LIPA: variants seen among roughly 807,000 people sequenced by gnomAD.
LIPA encodes the protein lysosomal acid lipase/cholesteryl ester hydrolase.
A neutral mutation model predicts 40.6 loss-of-function variants in LIPA; 26 were observed. The ratio of observed to expected loss-of-function variants is 0.64; its 90% CI spans 0.47 to 0.89. The LOEUF (loss-of-function observed/expected upper bound fraction) is 0.89. LIPA is among the 40% of genes least tolerant of loss of function. The pLI, the probability that LIPA is intolerant of heterozygous loss-of-function variation, is 0.00. For synonymous variants in LIPA, 188 were observed against 168.4 expected, an observed-to-expected ratio of 1.12 and a Z score of -0.90; for missense variants, 455 against 479.6, an observed-to-expected ratio of 0.95 and a Z score of 0.48.
At chr10:89,393,828 C>T (rs1162715640) in intron 2 of LIPA, among the ~76,000 whole-genome samples, 1 of 152,146 alleles carries the variant, frequency 6.6e-6, no homozygotes, top group Admixed American at 6.5e-5. Context: ...GGTAAAAATT[C>T]CAGAAAATGC....
intron 3 of LIPA, among the ~76,000 whole-genome samples, chr10:89,229,473 G>A (rs1041512020): frequency 1.3e-5 from 2 of 152,298 alleles, no homozygotes; most frequent in Admixed American, 6.5e-5. Flanking sequence ...TGTAGTGGCC[G>A]GGTGTGGTGG....
intron 2 of LIPA, among the ~76,000 whole-genome samples, chr10:89,350,459 C>G (rs1843952139): frequency 1.3e-5 from 2 of 152,036 alleles, no homozygotes; most frequent in South Asian, 4.2e-4. Flanking sequence ...GCGCATGCCA[C>G]CAGGTCCAGC....
upstream of LIPA, among the ~76,000 whole-genome samples, chr10:89,256,603 C>T (rs1326101882): frequency 6.6e-6 from 1 of 152,242 alleles, no homozygotes; most frequent in African/African-American, 2.4e-5. Context: ...GTGTGTCAGA[C>T]ATTGGGCAAT....
intron 1 of LIPA, among the ~76,000 whole-genome samples, chr10:89,324,918 A>G (rs34032344): frequency 0.24 from 36,561 of 152,058 alleles, 4,540 homozygotes; most frequent in African/African-American, 0.26. Flanking sequence ...TTCTTTACCC[A>G]GTCTATTGGG....
chr10:89,349,759 T>C (rs544747020), intron 2 of LIPA, among the ~76,000 whole-genome samples: 1 of 152,332 alleles, frequency 6.6e-6, no homozygotes, highest in East Asian at 1.9e-4. Flanking sequence ...AAATCAGTAA[T>C]GCAATTAGCC....
upstream of LIPA, among the ~76,000 whole-genome samples, chr10:89,253,322 C>T (rs888379722): frequency 6.6e-6 from 1 of 152,148 alleles, no homozygotes; most frequent in Non-Finnish European, 1.5e-5. Context: ...ACTGGGGAGG[C>T]CTCACAATCA....
At chr10:89,361,446 T>A (rs1222901937) in intron 2 of LIPA, among the ~76,000 whole-genome samples, 2 of 152,206 alleles carry the variant, frequency 1.3e-5, no homozygotes, top group Non-Finnish European at 2.9e-5. Flanking sequence ...ATGGACCAAG[T>A]TGGAAACCTA....
intron 2 of LIPA, chr10:89,403,337 C>T: frequency 6.2e-7 from 1 of 1,613,128 alleles, no homozygotes; most frequent in Non-Finnish European, 8.5e-7. Flanking sequence ...TAGAAGCAGG[C>T]AATCACAGAA....
At chr10:89,392,561 C>T in intron 2 of LIPA, 4 of 629,126 alleles carry the variant, frequency 6.4e-6, no homozygotes, top group Non-Finnish European at 1.1e-5. Flanking sequence ...GACACACCCA[C>T]AGCTTACACC....
intron 1 of LIPA, among the ~76,000 whole-genome samples, chr10:89,277,187 T>G (rs1222920975): frequency 3.3e-5 from 5 of 152,240 alleles, no homozygotes; most frequent in Admixed American, 3.3e-4. Context: ...AAAGCCTGCA[T>G]GCAGTAGGAA....
chr10:89,407,803 A>C (rs981431752), intron 2 of LIPA, among the ~76,000 whole-genome samples: 6 of 152,176 alleles, frequency 3.9e-5, no homozygotes, highest in African/African-American at 1.2e-4. Context: ...TTTGTGGTCT[A>C]GGAGGACAGG....
At chr10:89,337,109 C>G (rs1843754501) in intron 1 of LIPA, among the ~76,000 whole-genome samples, 1 of 152,172 alleles carries the variant, frequency 6.6e-6, no homozygotes, top group Non-Finnish European at 1.5e-5. Flanking sequence ...CAAGCTGAGC[C>G]TCCGTGGGTC....
At chr10:89,328,562 T>C (rs1843621238) in intron 1 of LIPA, among the ~76,000 whole-genome samples, 1 of 152,214 alleles carries the variant, frequency 6.6e-6, no homozygotes, top group Non-Finnish European at 1.5e-5. Flanking sequence ...TTGTGAAAGA[T>C]ACAATCAGTA....
chr10:89,348,010 C>T (rs763582079), intron 2 of LIPA, among the ~76,000 whole-genome samples: 4 of 152,218 alleles, frequency 2.6e-5, no homozygotes, highest in Non-Finnish European at 4.4e-5. Flanking sequence ...ACACTGAAGT[C>T]CTTGCTTTCA....
intron 3 of LIPA, among the ~76,000 whole-genome samples, chr10:89,228,885 G>A (rs978681238): frequency 2.0e-5 from 3 of 152,178 alleles, no homozygotes; most frequent in Non-Finnish European, 4.4e-5. Context: ...GGAGGAACAG[G>A]AACTCTCATT....
At chr10:89,272,005 G>A (rs1843268236) in intron 1 of LIPA, among the ~76,000 whole-genome samples, 1 of 152,066 alleles carries the variant, frequency 6.6e-6, no homozygotes, top group South Asian at 2.1e-4. Context: ...GGTAGGCTGA[G>A]GCTGCAGTGA....
rs1266475664 is a variant in LIPA at position 89,236,175 on chromosome 10, CA to C, written c.230-7778del. On this transcript the variant is annotated intron_variant, in intron 3 of 9. Coordinates refer to ENST00000336233, the MANE Select transcript of LIPA (RefSeq NM_000235.4). ...ACAAAGTATAAAAAGTTAACATTTT[CA>C]AAACTTAGACACACACTTACAGACC... Among the ~76,000 whole-genome samples, 8 of 152,188 alleles carry C rather than the reference CA, an allele frequency of 5.3e-5. 1 individual carries two copies. The highest frequency in any genetic ancestry group is 1.4e-4 in the African/African-American group (6 of 41,538).
In LIPA at chr10:89,299,297, G is replaced by A. The variant is rs555837664; in HGVS notation, c.-2+43314C>T. Among the ~76,000 whole-genome samples the A allele has an allele frequency of 3.2e-4, 48 of 151,018 alleles. 3 individuals are homozygous for A. In the South Asian group the frequency reaches 9.2e-3, roughly 29 times the overall value. ...GTCTTTTGAAATAATCCAATAAGAC[G>A]AAAATAAAGAAAAAAAAAGAATTAA... On this transcript the variant is annotated intron_variant, in intron 1 of 5. Coordinates refer to the LIPA transcript ENST00000282673.
intron 2 of LIPA, among the ~76,000 whole-genome samples, chr10:89,363,797 G>T (rs947881084): frequency 2.7e-5 from 4 of 146,398 alleles, no homozygotes; most frequent in South Asian, 4.3e-4. Context: ...AAAAAAGCGA[G>T]GGGGGGCGGG....
Sources: allele counts gnomAD v4.1 joint callset (sites outside exome capture counted in the v4.1 genomes callset), GRCh38; gene constraint gnomAD v4.1.1; transcripts MANE v1.5; gene names NCBI Gene and HGNC (gene_info 2026-07-23, HGNC 2026-07-21).